The following MYO16 variants were observed in gnomAD, a reference collection of about 807,000 sequenced individuals.
MYO16 encodes myosin XVI, also known as unconventional myosin-XVI.
A neutral mutation model predicts 205.3 loss-of-function variants in MYO16; 94 were observed. The ratio of observed to expected loss-of-function variants is 0.46; its 90% confidence interval spans 0.39 to 0.54. The LOEUF (loss-of-function observed/expected upper bound fraction) is 0.54, where lower values mean the gene tolerates loss of function less well. Among genes scored for constraint, MYO16 ranks in the 20% least tolerant of loss-of-function variants. The pLI, the probability that MYO16 is intolerant of heterozygous loss-of-function variation, is 0.00. For synonymous variants in MYO16, 988 were observed against 954.0 expected (o/e 1.04, Z -0.66); for missense variants, 2,315 against 2,387.5 (o/e 0.97, Z 0.63).
At chr13:108,679,476 T>C (rs1204192475) in intron 2 of MYO16, among the ~76,000 whole-genome samples, 10 of 152,106 alleles carry the variant, frequency 6.6e-5, no homozygotes, top group African/African-American at 2.4e-4. Context: ...AAGTAGGTGA[T>C]CAATAATATT....
rs74530736 is a variant in MYO16, at chr13:108,838,928, G to T, written c.1098-5415G>T. On this transcript the variant is annotated intron_variant, in intron 9 of 34. Coordinates refer to ENST00000457511, the MANE Select transcript of MYO16 (RefSeq NM_001198950.3). ...CAGTGGTGCTTGTGGAAGGAAGAAG[G>T]TCTCTTTGGAAGTAATATTTTATCA... Among the ~76,000 whole-genome samples, 862 of 152,050 alleles carry T rather than the reference G, an allele frequency of 5.7e-3. 7 individuals carry two copies. The highest frequency in any genetic ancestry group is 0.023 in the South Asian group (113 of 4,818).
chr13:108,774,764 G>A lies in MYO16; in HGVS notation c.508-10871G>A, dbSNP rs192038115. Among the ~76,000 whole-genome samples the A allele has an allele frequency of 1.1e-4, 16 of 152,206 alleles. No homozygotes were observed. In the East Asian group the frequency reaches 1.5e-3, roughly 15 times the overall value. The stretch of plus-strand genomic sequence containing the variant: ...TATATTATGAAGATATTACATGTAC[G>A]TGCACACACATGTGCACAAACCCTT... On this transcript the variant is annotated intron_variant, in intron 4 of 34. Coordinates refer to ENST00000457511, the MANE Select transcript of MYO16 (RefSeq NM_001198950.3).
chr13:108,735,119 AT>A (rs1316821704), intron 4 of MYO16, among the ~76,000 whole-genome samples: 3 of 152,002 alleles, frequency 2.0e-5, no homozygotes, highest in Non-Finnish European at 2.9e-5. Context: ...CTTTTTATTT[AT>A]TTTTTATTAT....
chr13:109,087,309 A>G (rs545705704), intron 27 of MYO16, among the ~76,000 whole-genome samples: 156 of 152,376 alleles, frequency 1.0e-3, no homozygotes, highest in African/African-American at 3.8e-3. Context: ...TGAAATAGGC[A>G]TAAACTTGTT....
chr13:109,059,794 T>C (rs1594510452), intron 27 of MYO16, among the ~76,000 whole-genome samples: 1 of 152,322 alleles, frequency 6.6e-6, no homozygotes, highest in East Asian at 1.9e-4. Flanking sequence ...TTGGCTTCTG[T>C]TGCAATTACT....
At chr13:108,980,255 C>T (rs1884406750) in intron 20 of MYO16, among the ~76,000 whole-genome samples, 1 of 152,132 alleles carries the variant, frequency 6.6e-6, no homozygotes, top group African/African-American at 2.4e-5. Flanking sequence ...GTTTTGCTAG[C>T]TCTTTCTTGA....
chr13:108,524,783 A>G, the MYO16 span, among the ~76,000 whole-genome samples: 1 of 152,154 alleles, frequency 6.6e-6, no homozygotes, highest in African/African-American at 2.4e-5. Flanking sequence ...AATGACATAT[A>G]TGAGATAAAT....
chr13:108,578,078 T>G, the MYO16 span, among the ~76,000 whole-genome samples: 4 of 152,236 alleles, frequency 2.6e-5, no homozygotes, highest in African/African-American at 9.6e-5. Context: ...ATTAAATTAC[T>G]TCTATTTCTT....
chr13:108,707,215 C>G (rs892692463), intron 2 of MYO16, among the ~76,000 whole-genome samples: 2 of 152,230 alleles, frequency 1.3e-5, no homozygotes, highest in African/African-American at 4.8e-5. Context: ...CGGAAACAAG[C>G]TAAACAGTCC....
the MYO16 span, among the ~76,000 whole-genome samples, chr13:108,582,510 A>T: frequency 6.4e-3 from 980 of 152,304 alleles, 16 homozygotes; most frequent in African/African-American, 0.023. Context: ...CAGCCAGGGG[A>T]ACCAGAAAGA....
At chr13:109,165,195 C>A in intron 33 of MYO16, 136 bp downstream of exon 33, 1 of 618,922 alleles carries the variant, frequency 1.6e-6, no homozygotes, top group South Asian at 2.3e-5. Flanking sequence ...ATGAAACTCC[C>A]CTGCAAGTAT....
chr13:108,970,981 T>C (rs1883986939), intron 20 of MYO16, among the ~76,000 whole-genome samples: 1 of 152,186 alleles, frequency 6.6e-6, no homozygotes, highest in Non-Finnish European at 1.5e-5. Flanking sequence ...AAAGTGTATT[T>C]AATTTTTATA....
rs146517642 is a variant in MYO16 at position 109,017,520 on chromosome 13, C to A, written c.2596-2191C>A. ...AATTTGAATGTTGGCCTGCCTTGCTCGGTTGGGGAAGTTCTCCTGGATATC... is the reference window on the plus strand; with the variant it reads ...AATTTGAATGTTGGCCTGCCTTGCTAGGTTGGGGAAGTTCTCCTGGATATC... On this transcript the variant is annotated intron_variant, in intron 22 of 34. Coordinates refer to ENST00000457511, the MANE Select transcript of MYO16 (RefSeq NM_001198950.3). Among the ~76,000 whole-genome samples, 585 of 152,186 alleles carry A rather than the reference C, an allele frequency of 3.8e-3. 2 individuals are homozygous for A. Among genetic ancestry groups the A allele is most frequent in the African/African-American group, 0.013 (558 of 41,530 alleles).
At chr13:108,505,428 A>G in the MYO16 span, among the ~76,000 whole-genome samples, 12 of 152,188 alleles carry the variant, frequency 7.9e-5, no homozygotes, top group Non-Finnish European at 1.6e-4. Context: ...ATGATTAATG[A>G]TGTCAAGCAT....
intron 9 of MYO16, among the ~76,000 whole-genome samples, chr13:108,841,896 A>G (rs1477992385): frequency 2.0e-5 from 3 of 152,172 alleles, no homozygotes; most frequent in African/African-American, 7.2e-5. Flanking sequence ...CCATTGGAAC[A>G]GAATGGAAAG....
At position 108,964,920 on chromosome 13, in the gene MYO16, T is replaced by C. The variant is rs1168199843; in HGVS notation, c.2369+18T>C. The C allele has an allele frequency of 6.2e-7, 1 of 1,612,990 alleles. No individual in the cohort carries two copies. The highest frequency in any genetic ancestry group is 1.3e-5 in the African/African-American group (1 of 74,816). ...CAGAAAAGGTAGGAGTTGATGGATGTTCGGTTCTGTTGTCATTACTGTAAT... is the reference window on the plus strand; with the variant it reads ...CAGAAAAGGTAGGAGTTGATGGATGCTCGGTTCTGTTGTCATTACTGTAAT... On this transcript the variant is annotated intron_variant, in intron 20 of 34. Transcript: ENST00000457511.
chr13:108,939,701 A>G (rs1882642908), intron 16 of MYO16, among the ~76,000 whole-genome samples: 1 of 152,240 alleles, frequency 6.6e-6, no homozygotes. Flanking sequence ...ATAACAAAAC[A>G]TATTCCTAAT....
intron 4 of MYO16, among the ~76,000 whole-genome samples, chr13:108,729,370 G>A (rs575737293): frequency 1.4e-4 from 22 of 152,272 alleles, no homozygotes; most frequent in Non-Finnish European, 2.9e-4. Flanking sequence ...ACGCAGCTGG[G>A]TCATTTAAGG....
At chr13:108,587,151 A>T in the MYO16 span, among the ~76,000 whole-genome samples, 1 of 152,170 alleles carries the variant, frequency 6.6e-6, no homozygotes, top group Non-Finnish European at 1.5e-5. Context: ...CTTGTGTGGG[A>T]AAACAGGAAT....
Sources: gnomAD v4.1 joint callset for allele counts (sites outside exome capture counted in the v4.1 genomes callset) on GRCh38, gnomAD v4.1.1 for gene constraint, MANE v1.5 for transcripts, NCBI Gene and HGNC (gene_info 2026-07-23, HGNC 2026-07-21) for gene names.